The following LRRFIP1 variants were observed in gnomAD, a reference collection of about 807,000 sequenced individuals.
LRRFIP1 encodes the protein LRR binding FLII interacting protein 1.
LRRFIP1 carries 62 observed loss-of-function variants against 104.4 expected under a neutral mutation model. The observed-to-expected ratio is 0.59, with a 90% CI of 0.48 to 0.73. The LOEUF is 0.73. Ranked by LOEUF, LRRFIP1 falls within the 30% of genes least tolerant of loss-of-function variation. The pLI is 0.00. For synonymous variants in LRRFIP1, 300 were observed against 299.0 expected, an observed-to-expected ratio of 1.00 and a Z score of -0.03; for missense variants, 796 against 824.5, an observed-to-expected ratio of 0.97 and a Z score of 0.42.
intron 1 of LRRFIP1, among the ~76,000 whole-genome samples, chr2:237,669,015 G>A (rs2089950246): frequency 6.6e-6 from 1 of 151,756 alleles, no homozygotes; most frequent in African/African-American, 2.4e-5. Flanking sequence ...CTTTTTTTAA[G>A]GAAAGAAATA....
Position 237,779,451 on chromosome 2 carries a change from G to A in LRRFIP1, c.1842G>A (p.Glu614=), listed in dbSNP as rs756630102. 17 of 1,613,630 alleles carry A rather than the reference G, an allele frequency of 1.1e-5. No homozygotes were observed. The East Asian group carries it at 3.8e-4, about 36-fold the overall frequency. ...GCTCTGCATTGGATAAAACAGAAGA[G>A]CTCGAGGTGAGCAACGGCCACTTAG... ...ELRSALDKTE[E]LEVSNGHLVK... The change falls in exon 24 of 24, where the codon GAG becomes GAA. Residue 614 remains glutamate (E), a synonymous_variant. Transcript: ENST00000308482.
chr2:237,754,828 T>G (rs3754707), intron 15 of LRRFIP1, among the ~76,000 whole-genome samples: 33,971 of 152,014 alleles, frequency 0.22, 4,310 homozygotes, highest in East Asian at 0.53. Flanking sequence ...TGCATATGCA[T>G]TCCTCCTGGA....
intron 19 of LRRFIP1, chr2:237,765,720 A>C (rs1388747430): frequency 2.1e-6 from 2 of 935,386 alleles, no homozygotes; most frequent in Non-Finnish European, 2.5e-6. Context: ...ATAATTGTAA[A>C]GTTAGATTTA....
At chr2:237,679,705 T>G (rs533009921) in intron 1 of LRRFIP1, among the ~76,000 whole-genome samples, 1 of 152,046 alleles carries the variant, frequency 6.6e-6, no homozygotes, top group East Asian at 1.9e-4. Context: ...GCCAACTGAG[T>G]TCAAGTGATT....
Position 237,748,460 on chromosome 2 carries a change from A to G in LRRFIP1, c.669+61A>G, listed in dbSNP as rs75593545. 9,562 of 1,440,886 alleles carry G rather than the reference A, an allele frequency of 6.6e-3. 435 individuals are homozygous for G. The African/African-American group carries it at 0.11, about 16-fold the overall frequency. 89.3% of individuals were successfully genotyped at this position (1,440,886 alleles called of 1,614,324 possible). A position where few individuals can be genotyped will look rare whatever the true frequency, so the allele number is the denominator to read the frequency against. On this transcript the variant is annotated intron_variant, in intron 12 of 23. Transcript: ENST00000308482. ...AGTTGTGGATGAAATTGATAAGAAA[A>G]TATGTTGCTTGGTTTTTTTTAATAA...
intron 6 of LRRFIP1, among the ~76,000 whole-genome samples, chr2:237,722,420 T>C (rs929436105): frequency 6.6e-6 from 1 of 152,298 alleles, no homozygotes; most frequent in African/African-American, 2.4e-5. Flanking sequence ...TTGAAAACCA[T>C]TGCAATATGA....
chr2:237,716,619 T>G (rs1042812559), intron 3 of LRRFIP1, among the ~76,000 whole-genome samples: 1 of 152,158 alleles, frequency 6.6e-6, no homozygotes, highest in Admixed American at 6.5e-5. Context: ...TCAAAAATGG[T>G]CTTGTATTTC....
intron 1 of LRRFIP1, among the ~76,000 whole-genome samples, chr2:237,692,695 C>T (rs771756798): frequency 3.3e-4 from 50 of 152,020 alleles, no homozygotes; most frequent in Non-Finnish European, 6.3e-4. Context: ...CGTGAGTGGC[C>T]CGGCGAGCGG....
chr2:237,679,016 A>T (rs1559526468), intron 1 of LRRFIP1, among the ~76,000 whole-genome samples: 1 of 152,204 alleles, frequency 6.6e-6, no homozygotes, highest in Non-Finnish European at 1.5e-5. Flanking sequence ...CCAGCGCTGA[A>T]GACTCCCACC....
chr2:237,629,673 T>C (rs1480131588), intron 1 of LRRFIP1, among the ~76,000 whole-genome samples: 1 of 152,114 alleles, frequency 6.6e-6, no homozygotes. Flanking sequence ...GGTTTCACCG[T>C]GTTGGCCAGG....
rs2060708061 is a variant in LRRFIP1, at chr2:237,772,254, A to G, written c.1627+56A>G. Reference sequence around the variant, plus strand: ...GCTTTCACATGTGCTGTTTTAGTATACTTGTGCTGGCAGAGAAAACTGTCA... The same window carrying G: ...GCTTTCACATGTGCTGTTTTAGTATGCTTGTGCTGGCAGAGAAAACTGTCA... On this transcript the variant is annotated intron_variant, in intron 21 of 23. Coordinates refer to ENST00000308482, the MANE Select transcript of LRRFIP1 (RefSeq NM_001137550.2). 5.9e-6 allele frequency: 8 copies of G among 1,360,236 alleles called. No homozygotes were observed. In the Admixed American group the frequency reaches 6.9e-5, roughly 12 times the overall value. 84.3% of individuals were successfully genotyped at this position (1,360,236 alleles called of 1,614,324 possible).
intron 5 of LRRFIP1, among the ~76,000 whole-genome samples, chr2:237,719,879 T>C (rs139063604): frequency 6.6e-6 from 1 of 151,596 alleles, no homozygotes; most frequent in African/African-American, 2.4e-5. Context: ...CATAGTAATA[T>C]ACACCAATGC....
intron 1 of LRRFIP1, among the ~76,000 whole-genome samples, chr2:237,659,254 C>T (rs1022342567): frequency 2.6e-5 from 4 of 151,650 alleles, no homozygotes; most frequent in Non-Finnish European, 5.9e-5. Flanking sequence ...CCACTACACT[C>T]GGCAAATTTT....
intron 4 of LRRFIP1, among the ~76,000 whole-genome samples, chr2:237,718,318 TTC>T (rs1454809871): frequency 6.6e-6 from 1 of 152,258 alleles, no homozygotes; most frequent in Non-Finnish European, 1.5e-5. Flanking sequence ...TGCTGTTGGG[TTC>T]TCTCTTCATC....
intron 8 of LRRFIP1, 145 bp from the exon 9 acceptor site, chr2:237,733,629 G>C: frequency 1.5e-6 from 1 of 656,990 alleles, no homozygotes. Context: ...CAGAAAACAC[G>C]GTGCCTCGAT....
In LRRFIP1 at chr2:237,672,428, A is replaced by G. The variant is rs112949119; in HGVS notation, c.97-36116A>G. ...AAAAAATAGTAGACAGTATATAGCT[A>G]TCTACTGGCAATAGGAATCTCTTAA... On this transcript the variant is annotated intron_variant, in intron 1 of 23. Transcript: ENST00000308482. Among the ~76,000 whole-genome samples the G allele has an allele frequency of 1.2e-3, 187 of 152,348 alleles. 1 individual carries two copies. Among genetic ancestry groups the G allele is most frequent in the African/African-American group, 4.4e-3 (182 of 41,582 alleles).
At chr2:237,772,993 A>G (rs1369585381) in intron 22 of LRRFIP1, 48 bp downstream of exon 22, 1 of 1,485,742 alleles carries the variant, frequency 6.7e-7, no homozygotes, top group South Asian at 1.1e-5. Context: ...CTGGAGTTTT[A>G]CTTGCTAGAA....
At chr2:237,660,335 G>T (rs925648160) in intron 1 of LRRFIP1, among the ~76,000 whole-genome samples, 2 of 152,226 alleles carry the variant, frequency 1.3e-5, no homozygotes, top group Non-Finnish European at 2.9e-5. Context: ...CACTAGCAGG[G>T]ATTAGGAGAT....
chr2:237,734,762 T>A (rs986549700), intron 9 of LRRFIP1, among the ~76,000 whole-genome samples: 4 of 152,210 alleles, frequency 2.6e-5, no homozygotes, highest in African/African-American at 9.7e-5. Flanking sequence ...GTTGATTAAT[T>A]AAGTAGCATT....
Sources: gnomAD v4.1 joint callset for allele counts (sites outside exome capture counted in the v4.1 genomes callset) on GRCh38, gnomAD v4.1.1 for gene constraint, MANE v1.5 for transcripts, NCBI Gene and HGNC (gene_info 2026-07-23, HGNC 2026-07-21) for gene names.